The following ADAMTSL1 variants were observed in gnomAD, a reference collection of about 807,000 sequenced individuals.
The protein encoded by ADAMTSL1 is ADAMTS-like protein 1.
In ADAMTSL1, 126 loss-of-function variants were observed where a neutral mutation model predicts 201.8. The observed-to-expected ratio is 0.62, with a 90% CI of 0.54 to 0.72. The LOEUF (loss-of-function observed/expected upper bound fraction) is 0.72, where lower values mean the gene tolerates loss of function less well. Ranked by LOEUF, ADAMTSL1 falls within the 30% of genes least tolerant of loss-of-function variation. The probability of loss-of-function intolerance (pLI) is 0.00; values close to 1 mark genes in which losing one functional copy is unlikely to be tolerated. For missense variants in ADAMTSL1, 2,679 were observed against 2,277.8 expected, an observed-to-expected ratio of 1.18 and a Z score of -3.59; for synonymous variants, 1,121 against 903.4, an observed-to-expected ratio of 1.24 and a Z score of -4.32.
chr9:18,218,567 CT>C (rs1418998677), intron 2 of ADAMTSL1, among the ~76,000 whole-genome samples: 2 of 152,160 alleles, frequency 1.3e-5, no homozygotes, highest in East Asian at 3.9e-4. Context: ...CCATTTCTTT[CT>C]TTTTTATTAA....
intron 1 of ADAMTSL1, among the ~76,000 whole-genome samples, chr9:17,983,759 T>C (rs948902431): frequency 6.6e-6 from 1 of 152,164 alleles, no homozygotes. Context: ...ATTAGTTTTA[T>C]TGGGATTAAT....
intron 1 of ADAMTSL1, among the ~76,000 whole-genome samples, chr9:17,935,668 C>A (rs1826976278): frequency 6.6e-6 from 1 of 152,174 alleles, no homozygotes; most frequent in Non-Finnish European, 1.5e-5. Flanking sequence ...TCCTCTATTT[C>A]TCTCACACCC....
chr9:18,279,941 A>G lies in ADAMTSL1; in HGVS notation c.207+115960A>G, dbSNP rs113292142. On this transcript the variant is annotated intron_variant, in intron 2 of 29. Coordinates refer to the ADAMTSL1 transcript ENST00000680146. ...ATTATAAGAACAGACCTAGGTCCTC[A>G]ATCCACGTGCTTGCCTAGAGCCTAT... Among the ~76,000 whole-genome samples, 773 of 151,804 alleles carry G rather than the reference A, an allele frequency of 5.1e-3. 8 individuals are homozygous for G. Among genetic ancestry groups the G allele is most frequent in the African/African-American group, 0.018 (744 of 41,438 alleles).
intron 2 of ADAMTSL1, among the ~76,000 whole-genome samples, chr9:18,251,659 C>A (rs527945603): frequency 6.6e-6 from 1 of 152,016 alleles, no homozygotes; most frequent in African/African-American, 2.4e-5. Context: ...TGACAAGACC[C>A]AAGAAAGTCC....
At chr9:18,417,446 A>G (rs1017326541) in intron 2 of ADAMTSL1, among the ~76,000 whole-genome samples, 2 of 151,704 alleles carry the variant, frequency 1.3e-5, no homozygotes, top group Non-Finnish European at 2.9e-5. Context: ...GAAAAAATCA[A>G]TAAAAATAAA....
chr9:18,721,443 G>C, intron 14 of ADAMTSL1, 93 bp from the exon 15 acceptor site: 1 of 1,534,628 alleles, frequency 6.5e-7, no homozygotes, highest in Non-Finnish European at 8.8e-7. Context: ...ACAGAACACA[G>C]GGACCTCCCA....
chr9:18,147,869 A>C (rs1483476040), intron 1 of ADAMTSL1, among the ~76,000 whole-genome samples: 1 of 152,160 alleles, frequency 6.6e-6, no homozygotes, highest in Non-Finnish European at 1.5e-5. Context: ...TATTCTCTAC[A>C]GTTGCACAGC....
intron 14 of ADAMTSL1, chr9:18,718,309 T>G (rs1833094682): frequency 1.3e-6 from 1 of 745,926 alleles, no homozygotes; most frequent in Admixed American, 1.8e-5. Flanking sequence ...CCTTGTCCAT[T>G]TCTCATGTAC....
rs116897619 is a variant in ADAMTSL1, at chr9:18,441,958, A to T, written c.208-62871A>T. ...TAATAATTTTTAATGCCAAATGAAA[A>T]CCCAAATCCACTAAATGGCTACTTT... On this transcript the variant is annotated intron_variant, in intron 2 of 29. Transcript: ENST00000680146. Among the ~76,000 whole-genome samples the T allele has an allele frequency of 4.0e-3, 607 of 152,314 alleles. 2 individuals are homozygous for T. Among genetic ancestry groups the T allele is most frequent in the East Asian group, 0.015 (80 of 5,176 alleles).
intron 4 of ADAMTSL1, among the ~76,000 whole-genome samples, chr9:18,587,211 G>A (rs149864706): frequency 2.0e-5 from 3 of 152,138 alleles, no homozygotes; most frequent in African/African-American, 7.2e-5. Flanking sequence ...ACTGACAAAC[G>A]TCTATTATCC....
At chr9:18,487,580 G>T (rs1441398251) in intron 1 of ADAMTSL1, among the ~76,000 whole-genome samples, 1 of 152,148 alleles carries the variant, frequency 6.6e-6, no homozygotes, top group East Asian at 1.9e-4. Context: ...CCTCCTAGGT[G>T]CCAAGTACTG....
At chr9:18,273,978 C>T (rs1298323688) in intron 2 of ADAMTSL1, among the ~76,000 whole-genome samples, 1 of 152,180 alleles carries the variant, frequency 6.6e-6, no homozygotes, top group Non-Finnish European at 1.5e-5. Flanking sequence ...GTAAATCCTG[C>T]TGCTGTCCTG....
At chr9:18,684,029 G>A (rs774734919) in intron 12 of ADAMTSL1, among the ~76,000 whole-genome samples, 6 of 152,238 alleles carry the variant, frequency 3.9e-5, no homozygotes, top group East Asian at 3.9e-4. Flanking sequence ...TGTAAGAGCC[G>A]TTAGAACATC....
Position 18,908,652 on chromosome 9 carries a change from T to G in ADAMTSL1, c.*104T>G. 1.1e-6 allele frequency: 1 copy of G among 921,064 alleles called. No homozygotes were observed. The allele number at this position is 921,064 out of a possible 1,614,324, so 57.1% of individuals were successfully genotyped here. A position where few individuals can be genotyped will look rare whatever the true frequency, so the allele number is the denominator to read the frequency against. Reference sequence around the variant, plus strand: ...TTCATTTTATTTATTTATTTCCCCCTCCCCACTCCACACACACCCTTCCAA... The same window carrying G: ...TTCATTTTATTTATTTATTTCCCCCGCCCCACTCCACACACACCCTTCCAA... On this transcript the variant is annotated 3_prime_UTR_variant, in exon 29 of 29. Coordinates refer to ENST00000380548, the MANE Select transcript of ADAMTSL1 (RefSeq NM_001040272.6).
chr9:18,681,337 A>T (rs902150587), intron 11 of ADAMTSL1: 1 of 152,314 alleles, frequency 6.6e-6, no homozygotes, highest in Admixed American at 6.5e-5. Context: ...AATGTAATCA[A>T]TTGGATTAAC....
At chr9:18,412,444 C>G (rs1818484276) in intron 2 of ADAMTSL1, among the ~76,000 whole-genome samples, 2 of 152,182 alleles carry the variant, frequency 1.3e-5, no homozygotes, top group Admixed American at 1.3e-4. Flanking sequence ...TTCTCTCATT[C>G]TATCCTGAAT....
intron 2 of ADAMTSL1, among the ~76,000 whole-genome samples, chr9:18,254,283 G>A (rs1186101644): frequency 2.2e-5 from 3 of 137,004 alleles, no homozygotes; most frequent in South Asian, 2.4e-4. Context: ...GGGTGGCCAC[G>A]TTTTCTTTTC....
chr9:18,813,114 G>A (rs986401322), intron 20 of ADAMTSL1, among the ~76,000 whole-genome samples: 9 of 151,756 alleles, frequency 5.9e-5, no homozygotes, highest in African/African-American at 2.2e-4. Flanking sequence ...AGTACAGGCT[G>A]TGCCACCACG....
chr9:18,680,105 T>C (rs949164902), intron 10 of ADAMTSL1, among the ~76,000 whole-genome samples: 2 of 152,204 alleles, frequency 1.3e-5, no homozygotes, highest in African/African-American at 4.8e-5. Context: ...GTATAGAGCT[T>C]CACGGTTTGC....
Sources: gnomAD v4.1 joint callset for allele counts (sites outside exome capture counted in the v4.1 genomes callset) on GRCh38, gnomAD v4.1.1 for gene constraint, MANE v1.5 for transcripts, NCBI Gene and HGNC (gene_info 2026-07-23, HGNC 2026-07-21) for gene names.